Variants in RIMS1 observed in about 807,000 individuals in gnomAD.
RIMS1 encodes regulating synaptic membrane exocytosis 1.
Under a neutral mutation model 214.1 loss-of-function variants are expected in RIMS1, and 83 were observed. The ratio of observed to expected loss-of-function variants is 0.39; its 90% confidence interval spans 0.32 to 0.47. The LOEUF is 0.47. Among genes scored for constraint, RIMS1 ranks in the 20% least tolerant of loss-of-function variants. The pLI, the probability that RIMS1 is intolerant of heterozygous loss-of-function variation, is 0.99. For missense variants in RIMS1, 2,050 were observed against 2,161.8 expected, an observed-to-expected ratio of 0.95 and a Z score of 1.03; for synonymous variants, 793 against 786.8, an observed-to-expected ratio of 1.01 and a Z score of -0.13.
Position 71,913,175 on chromosome 6 carries a change from A to G in RIMS1, c.164+25988A>G, listed in dbSNP as rs1777420287. Among the ~76,000 whole-genome samples, 3 of 152,178 alleles carry G rather than the reference A, an allele frequency of 2.0e-5. No individual in the cohort carries two copies. In the South Asian group the frequency reaches 6.2e-4, roughly 31 times the overall value. ...TATTAAAAGATGTCTATTTACTTGA[A>G]TATGTGAAATATTTTATCATTAAAA... On this transcript the variant is annotated intron_variant, in intron 1 of 33. Transcript: ENST00000521978.
chr6:72,189,299 A>C (rs1292203668), intron 6 of RIMS1, among the ~76,000 whole-genome samples: 1 of 152,304 alleles, frequency 6.6e-6, no homozygotes, highest in East Asian at 1.9e-4. Flanking sequence ...CTGTTCTATC[A>C]ATCCAGCTGC....
chr6:71,982,498 A>G (rs1265087650), intron 2 of RIMS1, among the ~76,000 whole-genome samples: 1 of 152,178 alleles, frequency 6.6e-6, no homozygotes, highest in African/African-American at 2.4e-5. Context: ...TCACACCCCA[A>G]CAAACCCAAG....
rs566709453 is a variant in RIMS1, at chr6:72,053,443, TG to T, written c.246-43505del. ...CGAGTGACCCAATCAGCCCTGTTCC[TG>T]TAGTGGTTTGTTACTTTGTAGACAC... On this transcript the variant is annotated intron_variant, in intron 2 of 33. Transcript: ENST00000521978. Among the ~76,000 whole-genome samples the T allele has an allele frequency of 5.3e-4, 81 of 152,278 alleles. 1 individual carries two copies. Among genetic ancestry groups the T allele is most frequent in the Middle Eastern group, 3.4e-3 (1 of 294 alleles).
At chr6:72,037,715 T>C (rs1269002909) in intron 2 of RIMS1, among the ~76,000 whole-genome samples, 1 of 152,064 alleles carries the variant, frequency 6.6e-6, no homozygotes, top group Non-Finnish European at 1.5e-5. Flanking sequence ...TGTTTGTTTG[T>C]TTGTTTTAAG....
chr6:72,255,953 T>C (rs1326952330), intron 16 of RIMS1, among the ~76,000 whole-genome samples: 1 of 148,100 alleles, frequency 6.8e-6, no homozygotes, highest in African/African-American at 2.5e-5. Context: ...GGAGAATCAC[T>C]TCAACACGAG....
intron 4 of RIMS1, among the ~76,000 whole-genome samples, chr6:72,100,887 G>T (rs1452546696): frequency 6.6e-6 from 1 of 151,820 alleles, no homozygotes; most frequent in Non-Finnish European, 1.5e-5. Context: ...CTAAATTTAC[G>T]CTAGGATATG....
At chr6:72,209,478 A>G (rs1973843) in intron 6 of RIMS1, among the ~76,000 whole-genome samples, 80,598 of 152,140 alleles carry the variant, frequency 0.53, 23,217 homozygotes, top group East Asian at 0.83. Context: ...TTTGCCTTCT[A>G]TCTTGTTATT....
chr6:72,207,957 C>G (rs1208710183), intron 6 of RIMS1, among the ~76,000 whole-genome samples: 1 of 152,064 alleles, frequency 6.6e-6, no homozygotes, highest in Non-Finnish European at 1.5e-5. Context: ...CAGCAATATG[C>G]CTGGATAAAT....
Position 72,396,286 on chromosome 6 carries a change from ATGTG to A in RIMS1, c.4619-1955_4619-1952del, listed in dbSNP as rs774418225. On this transcript the variant is annotated intron_variant, in intron 31 of 33. Coordinates refer to ENST00000521978, the MANE Select transcript of RIMS1 (RefSeq NM_014989.7). ...ACGTTTCTACAAAACACACGTGTGT[ATGTG>A]TGTGTGTATTTGTGTATTTGCACAT... Among the ~76,000 whole-genome samples, 545 of 152,234 alleles carry A rather than the reference ATGTG, an allele frequency of 3.6e-3. 2 individuals carry two copies. Among genetic ancestry groups the A allele is most frequent in the East Asian group, 0.016 (81 of 5,192 alleles).
intron 2 of RIMS1, among the ~76,000 whole-genome samples, chr6:72,058,919 C>T (rs933646896): frequency 6.6e-6 from 1 of 152,024 alleles, no homozygotes; most frequent in African/African-American, 2.4e-5. Context: ...AAAATATTTG[C>T]ATTATTAAAA....
At chr6:72,398,782 A>G (rs1423397790) in intron 32 of RIMS1, among the ~76,000 whole-genome samples, 173 bp from the exon 33 acceptor site, 1 of 152,202 alleles carries the variant, frequency 6.6e-6, no homozygotes, top group Admixed American at 6.5e-5. Context: ...AGTAATGGTA[A>G]CATATAGATT....
intron 2 of RIMS1, among the ~76,000 whole-genome samples, chr6:72,022,611 A>T (rs1815072820): frequency 6.6e-6 from 1 of 152,228 alleles, no homozygotes; most frequent in South Asian, 2.1e-4. Flanking sequence ...GCTTTACATT[A>T]TGCAGAAAAC....
intron 4 of RIMS1, among the ~76,000 whole-genome samples, chr6:72,116,381 T>C (rs900961019): frequency 6.6e-6 from 1 of 151,850 alleles, no homozygotes; most frequent in Non-Finnish European, 1.5e-5. Context: ...AAAAACGAGA[T>C]GAAAGAGAAC....
At chr6:71,898,671 A>G (rs980586636) in intron 1 of RIMS1, among the ~76,000 whole-genome samples, 1 of 152,154 alleles carries the variant, frequency 6.6e-6, no homozygotes, top group African/African-American at 2.4e-5. Context: ...ACCTTTCTGA[A>G]CATAGTGCTC....
intron 29 of RIMS1, among the ~76,000 whole-genome samples, chr6:72,366,178 C>T (rs2098010528): frequency 6.6e-6 from 1 of 151,990 alleles, no homozygotes; most frequent in Admixed American, 6.6e-5. Context: ...TAGGGTGGGA[C>T]GTGAAACGAC....
intron 2 of RIMS1, among the ~76,000 whole-genome samples, chr6:71,983,595 G>T (rs1301784327): frequency 1.3e-5 from 2 of 152,046 alleles, no homozygotes; most frequent in Non-Finnish European, 2.9e-5. Flanking sequence ...CATCAGATGT[G>T]GTTACCAGAA....
Position 72,398,358 on chromosome 6 carries a change from G to C in RIMS1, c.4720+8G>C. 2 of 1,558,806 alleles carry C rather than the reference G, an allele frequency of 1.3e-6. No individual in the cohort carries two copies. The highest frequency in any genetic ancestry group is 1.8e-6 in the Non-Finnish European group (2 of 1,141,824). On this transcript the variant is annotated splice_region_variant and intron_variant, in intron 32 of 33. Transcript: ENST00000521978. ...GTTCCAAATCTACACCTGGTAAGGA[G>C]AAGTATTCCTGAATTTGGTGAAGGG...
intron 2 of RIMS1, among the ~76,000 whole-genome samples, chr6:71,996,181 G>T (rs12524886): frequency 6.6e-6 from 1 of 152,046 alleles, no homozygotes; most frequent in Admixed American, 6.6e-5. Flanking sequence ...GTATAGCCAC[G>T]CAAGAGGTTC....
intron 29 of RIMS1, chr6:72,365,645 T>C (rs2097976019): frequency 6.6e-6 from 1 of 152,216 alleles, no homozygotes; most frequent in Non-Finnish European, 1.5e-5. Context: ...ACCAGGATTA[T>C]CCTGGTTAAC....
Sources: gnomAD v4.1 joint callset for allele counts (sites outside exome capture counted in the v4.1 genomes callset) on GRCh38, gnomAD v4.1.1 for gene constraint, MANE v1.5 for transcripts, NCBI Gene and HGNC (gene_info 2026-07-23, HGNC 2026-07-21) for gene names.